Variants in RABL3 observed in about 807,000 individuals in gnomAD.
RABL3 encodes the protein RAB, member of RAS oncogene family like 3.
RABL3 carries 31 observed loss-of-function variants against 31.8 expected under a neutral mutation model. The ratio of observed to expected loss-of-function variants is 0.97; its 90% CI spans 0.73 to 1.31. The LOEUF (loss-of-function observed/expected upper bound fraction) is 1.31. RABL3 is among the 40% of genes most tolerant of loss of function. The pLI is 0.00. For synonymous variants in RABL3, 97 were observed against 99.9 expected, an observed-to-expected ratio of 0.97 and a Z score of 0.18; for missense variants, 263 against 279.6, an observed-to-expected ratio of 0.94 and a Z score of 0.42.
chr3:120,712,865 C>T (rs761859355), intron 2 of RABL3, among the ~76,000 whole-genome samples: 1 of 152,008 alleles, frequency 6.6e-6, no homozygotes, highest in Non-Finnish European at 1.5e-5. Flanking sequence ...AGTACAGTTC[C>T]AAGAGCAAAC....
intron 2 of RABL3, among the ~76,000 whole-genome samples, chr3:120,723,779 G>A (rs570695208): frequency 2.6e-5 from 4 of 152,154 alleles, no homozygotes; most frequent in South Asian, 2.1e-4. Context: ...CAATAAATTA[G>A]GTATTGATGG....
At chr3:120,725,021 G>A (rs1476718548) in intron 2 of RABL3, among the ~76,000 whole-genome samples, 3 of 152,042 alleles carry the variant, frequency 2.0e-5, no homozygotes, top group Admixed American at 6.5e-5. Context: ...GCAACCTACA[G>A]AATGGGAGAA....
intron 1 of RABL3, among the ~76,000 whole-genome samples, chr3:120,739,671 A>G (rs995402893): frequency 6.6e-6 from 1 of 152,152 alleles, no homozygotes; most frequent in Non-Finnish European, 1.5e-5. Flanking sequence ...TAAGATTTTT[A>G]AATACTCAAA....
In RABL3 at chr3:120,689,863, C is replaced by G; in HGVS notation, c.671G>C (p.Arg224Thr). Residue 224 changes from arginine to threonine, a missense_variant, in exon 8 of 8, where the codon AGA becomes ACA. Coordinates refer to ENST00000273375, the MANE Select transcript of RABL3 (RefSeq NM_173825.5). ...NQIPGFPDRKRFGAGTLKSLH... is the reference protein window; with the variant it reads ...NQIPGFPDRKTFGAGTLKSLH... ...GCTCTTTAATGTTCCTGCCCCAAAT[C>G]TTTTCCGATCAGGAAAGCCTGGAAT... is the stretch of plus-strand genomic sequence containing the variant. The G allele has an allele frequency of 6.2e-7, 1 of 1,613,224 alleles. No homozygotes were observed. Among genetic ancestry groups the G allele is most frequent in the East Asian group, 2.2e-5 (1 of 44,844 alleles).
chr3:120,696,212 T>C (rs1708434041), intron 5 of RABL3, among the ~76,000 whole-genome samples: 1 of 152,234 alleles, frequency 6.6e-6, no homozygotes, highest in South Asian at 2.1e-4. Flanking sequence ...TAACTCTGAT[T>C]CCACCTTTGA....
intron 2 of RABL3, among the ~76,000 whole-genome samples, chr3:120,724,032 T>C (rs1366217064): frequency 2.0e-5 from 3 of 152,216 alleles, no homozygotes; most frequent in African/African-American, 4.8e-5. Context: ...GATGACATGA[T>C]AGTATATCCA....
chr3:120,706,803 G>T (rs1266062312), intron 3 of RABL3, among the ~76,000 whole-genome samples: 2 of 152,058 alleles, frequency 1.3e-5, no homozygotes, highest in Non-Finnish European at 2.9e-5. Flanking sequence ...AAATAGTAAA[G>T]AAGTATGGAT....
intron 1 of RABL3, 70 bp downstream of exon 1, chr3:120,742,392 G>A: frequency 2.1e-6 from 3 of 1,442,558 alleles, no homozygotes; most frequent in Non-Finnish European, 2.9e-6. Flanking sequence ...TTGAGGGAAG[G>A]AAGCTAAGGG....
chr3:120,705,741 G>A (rs1708540710), intron 4 of RABL3, among the ~76,000 whole-genome samples: 1 of 152,022 alleles, frequency 6.6e-6, no homozygotes, highest in Admixed American at 6.5e-5. Flanking sequence ...AAACATAAGA[G>A]AAAACCTGCA....
chr3:120,725,685 A>T (rs1189935635), intron 2 of RABL3, among the ~76,000 whole-genome samples: 1 of 152,200 alleles, frequency 6.6e-6, no homozygotes, highest in Non-Finnish European at 1.5e-5. Flanking sequence ...TTCTCAGCAA[A>T]CTATCGCAAG....
chr3:120,689,810 G>C lies in RABL3; in HGVS notation c.*13C>G, dbSNP rs1708357918. The C allele has an allele frequency of 6.3e-7, 1 of 1,593,152 alleles. No individual in the cohort carries two copies. Among genetic ancestry groups the C allele is most frequent in the African/African-American group, 1.3e-5 (1 of 74,472 alleles). ...GCCACTGCTTGCTCACTCTTCCAAA[G>C]GATGAGTGTAATTCAGTCATAATGA... On this transcript the variant is annotated 3_prime_UTR_variant, in exon 8 of 8. Transcript: ENST00000273375.
intron 2 of RABL3, among the ~76,000 whole-genome samples, chr3:120,719,971 C>A (rs1277552514): frequency 6.6e-6 from 1 of 152,200 alleles, no homozygotes; most frequent in Non-Finnish European, 1.5e-5. Flanking sequence ...CGGCCAGGTA[C>A]TCCTCTGAGA....
chr3:120,685,031 A>C lies in RABL3; in HGVS notation c.*4792T>G, dbSNP rs1708293651. ...TTTGAAAACCATCACAACATAGTGT[A>C]AGTGCTCTGACAGGAAAGAGCCCAG... is the stretch of plus-strand genomic sequence containing the variant. On this transcript the variant is annotated 3_prime_UTR_variant, in exon 8 of 8. Coordinates refer to ENST00000273375, the MANE Select transcript of RABL3 (RefSeq NM_173825.5). 6.6e-6 allele frequency among the ~76,000 whole-genome samples: 1 copy of C among 152,266 alleles called. No homozygotes were observed. Among genetic ancestry groups the C allele is most frequent in the South Asian group, 2.1e-4 (1 of 4,838 alleles).
intron 2 of RABL3, among the ~76,000 whole-genome samples, chr3:120,727,421 T>C (rs1431217102): frequency 6.6e-6 from 1 of 152,158 alleles, no homozygotes; most frequent in Non-Finnish European, 1.5e-5. Context: ...CAAGAAGGAA[T>C]ATAGTTATTT....
At chr3:120,715,200 T>C (rs1400890763) in intron 2 of RABL3, among the ~76,000 whole-genome samples, 1 of 152,212 alleles carries the variant, frequency 6.6e-6, no homozygotes, top group African/African-American at 2.4e-5. Context: ...TAACACTTGT[T>C]TTCTATATCA....
chr3:120,708,838 T>G (rs987104860), intron 3 of RABL3, among the ~76,000 whole-genome samples: 6 of 152,076 alleles, frequency 3.9e-5, no homozygotes, highest in Admixed American at 3.3e-4. Context: ...GGGTCTGAAC[T>G]GACACATCTC....
chr3:120,694,961 G>GT (rs11405676), intron 5 of RABL3, among the ~76,000 whole-genome samples: 6,365 of 132,912 alleles, frequency 0.048, 166 homozygotes, highest in African/African-American at 0.077. Flanking sequence ...CAGTCTAGCT[G>GT]TTTTTTTTTT....
intron 6 of RABL3, among the ~76,000 whole-genome samples, chr3:120,691,152 C>T (rs1043876447): frequency 1.2e-4 from 19 of 152,156 alleles, no homozygotes; most frequent in Non-Finnish European, 1.9e-4. Flanking sequence ...AAGAAACCCT[C>T]AAAATATATG....
At chr3:120,719,759 C>G (rs183817770) in intron 2 of RABL3, among the ~76,000 whole-genome samples, 7 of 152,246 alleles carry the variant, frequency 4.6e-5, no homozygotes. Context: ...CCTCTGTAGA[C>G]TCCACCTCTG....
Sources: allele counts gnomAD v4.1 joint callset (sites outside exome capture counted in the v4.1 genomes callset), GRCh38; gene constraint gnomAD v4.1.1; transcripts MANE v1.5; gene names NCBI Gene and HGNC (gene_info 2026-07-23, HGNC 2026-07-21).